The following RARB variants were observed in gnomAD, a reference collection of about 807,000 sequenced individuals.
RARB encodes the protein HBV-activated protein.
Under a neutral mutation model 51.9 loss-of-function variants are expected in RARB, and 17 were observed. The observed-to-expected ratio is 0.33, with a 90% confidence interval of 0.22 to 0.49. The LOEUF (loss-of-function observed/expected upper bound fraction) is 0.49, where lower values mean the gene tolerates loss of function less well. Ranked by LOEUF, RARB falls within the 20% of genes least tolerant of loss-of-function variation. RARB has a pLI of 0.99. For missense variants in RARB, 369 were observed against 550.8 expected (o/e 0.67, Z 3.30); for synonymous variants, 215 against 195.4 (o/e 1.10, Z -0.84).
chr3:25,462,513 A>G (rs1312694738), intron 2 of RARB: 1 of 152,258 alleles, frequency 6.6e-6, no homozygotes, highest in Non-Finnish European at 1.5e-5. Flanking sequence ...GAATAATGTT[A>G]CAGGTACTCC....
intron 3 of RARB, among the ~76,000 whole-genome samples, chr3:25,540,539 C>G (rs1159864584): frequency 6.6e-6 from 1 of 152,202 alleles, no homozygotes; most frequent in Non-Finnish European, 1.5e-5. Context: ...AAGGAGGTCT[C>G]TCTACTGTGA....
intron 5 of RARB, among the ~76,000 whole-genome samples, chr3:25,372,564 G>A (rs1336742987): frequency 6.6e-6 from 1 of 152,206 alleles, no homozygotes; most frequent in Non-Finnish European, 1.5e-5. Context: ...GCTCACAACT[G>A]TAATCCCAGC....
intron 5 of RARB, among the ~76,000 whole-genome samples, chr3:25,391,316 T>G (rs574184732): frequency 6.6e-6 from 1 of 152,326 alleles, no homozygotes; most frequent in South Asian, 2.1e-4. Flanking sequence ...TTGGGCTGGT[T>G]CCATATTTTT....
At chr3:25,461,093 GC>G in intron 1 of RARB, 99 bp from the exon 2 acceptor site, 1 of 1,359,018 alleles carries the variant, frequency 7.4e-7, no homozygotes, top group Non-Finnish European at 9.9e-7. Context: ...TAGTGTTATT[GC>G]TGAATTTGGG....
intron 2 of RARB, among the ~76,000 whole-genome samples, chr3:25,039,675 T>A (rs1215405128): frequency 6.6e-6 from 1 of 152,216 alleles, no homozygotes; most frequent in East Asian, 1.9e-4. Context: ...AAGAAGCTTT[T>A]TTCTTTGCCT....
chr3:25,042,068 A>T (rs1698126102), intron 2 of RARB, among the ~76,000 whole-genome samples: 1 of 152,190 alleles, frequency 6.6e-6, no homozygotes, highest in African/African-American at 2.4e-5. Context: ...CATAGGCAGC[A>T]CATCCCCATC....
chr3:25,079,536 T>C (rs1357557270), intron 3 of RARB, among the ~76,000 whole-genome samples: 4 of 152,184 alleles, frequency 2.6e-5, no homozygotes, highest in Admixed American at 2.0e-4. Flanking sequence ...TGCTAACCTT[T>C]TATTAAGTTA....
chr3:25,208,817 G>A (rs1001263907), intron 5 of RARB, among the ~76,000 whole-genome samples: 24 of 152,100 alleles, frequency 1.6e-4, no homozygotes, highest in African/African-American at 5.8e-4. Flanking sequence ...ACCAGGGGAA[G>A]GTGACCTGGA....
At chr3:25,542,922 A>AGTG (rs1182823293) in intron 3 of RARB, among the ~76,000 whole-genome samples, 2 of 151,842 alleles carry the variant, frequency 1.3e-5, no homozygotes, top group Non-Finnish European at 2.9e-5. Context: ...TCACATAGTT[A>AGTG]GTGGTGGTGG....
intron 2 of RARB, among the ~76,000 whole-genome samples, chr3:24,999,577 A>T (rs1697115061): frequency 6.6e-6 from 1 of 152,216 alleles, no homozygotes; most frequent in Admixed American, 6.6e-5. Flanking sequence ...GGCAGAAAAG[A>T]TAGAAGCACA....
At chr3:25,410,502 T>G (rs1447910060) in intron 5 of RARB, among the ~76,000 whole-genome samples, 2 of 152,258 alleles carry the variant, frequency 1.3e-5, no homozygotes, top group Non-Finnish European at 1.5e-5. Flanking sequence ...TCTTGAGTAG[T>G]GAACTCGCTG....
chr3:24,880,505 T>C (rs559047115), intron 2 of RARB, among the ~76,000 whole-genome samples: 55 of 152,288 alleles, frequency 3.6e-4, no homozygotes, highest in Middle Eastern at 3.4e-3. Context: ...ACCTATTTGT[T>C]CTTCTTAATG....
intron 3 of RARB, among the ~76,000 whole-genome samples, chr3:25,531,084 A>G (rs1190989669): frequency 6.6e-6 from 1 of 152,174 alleles, no homozygotes; most frequent in Admixed American, 6.5e-5. Flanking sequence ...GCCAATGAAG[A>G]GTGTGTTTTA....
At chr3:25,400,856 C>A (rs1404694848) in intron 5 of RARB, among the ~76,000 whole-genome samples, 1 of 150,976 alleles carries the variant, frequency 6.6e-6, no homozygotes, top group African/African-American at 2.4e-5. Flanking sequence ...ACTAGAAAAG[C>A]CAGACAATAT....
At chr3:24,861,442 C>G (rs1702745251) in intron 2 of RARB, among the ~76,000 whole-genome samples, 1 of 151,978 alleles carries the variant, frequency 6.6e-6, no homozygotes, top group African/African-American at 2.4e-5. Context: ...TGTAAGAACA[C>G]TTTCATATTC....
chr3:25,577,601 A>C (rs1700992173), intron 4 of RARB, among the ~76,000 whole-genome samples: 1 of 152,186 alleles, frequency 6.6e-6, no homozygotes, highest in African/African-American at 2.4e-5. Context: ...TTTGAAAAAA[A>C]AGCCAGAACG....
At chr3:24,831,956 G>A (rs936197446) in intron 1 of RARB, among the ~76,000 whole-genome samples, 1 of 152,170 alleles carries the variant, frequency 6.6e-6, no homozygotes, top group Non-Finnish European at 1.5e-5. Flanking sequence ...CTGAAAGTGA[G>A]AAGGAAGGAG....
intron 5 of RARB, among the ~76,000 whole-genome samples, chr3:25,176,183 C>T (rs937883697): frequency 6.6e-6 from 1 of 152,008 alleles, no homozygotes; most frequent in African/African-American, 2.4e-5. Flanking sequence ...GCTGAATGAT[C>T]AAATTTGGCA....
intron 5 of RARB, among the ~76,000 whole-genome samples, chr3:25,377,382 T>A (rs904837687): frequency 2.6e-5 from 4 of 152,326 alleles, no homozygotes; most frequent in African/African-American, 9.6e-5. Flanking sequence ...GATAGACACA[T>A]GTGCAGGTCT....
Sources: allele counts gnomAD v4.1 joint callset (sites outside exome capture counted in the v4.1 genomes callset), GRCh38; gene constraint gnomAD v4.1.1; transcripts MANE v1.5; gene names NCBI Gene and HGNC (gene_info 2026-07-23, HGNC 2026-07-21).